LEMD1: variants seen among roughly 807,000 people sequenced by gnomAD.
LEMD1 encodes the protein LEM domain-containing protein 1.
A neutral mutation model predicts 17.4 loss-of-function variants in LEMD1; 18 were observed. The ratio of observed to expected loss-of-function variants is 1.04; its 90% CI spans 0.72 to 1.54. The LOEUF (loss-of-function observed/expected upper bound fraction) is 1.54. Ranked by LOEUF, LEMD1 falls within the 40% of genes most tolerant of loss-of-function variation. LEMD1 has a pLI of 0.00. For synonymous variants in LEMD1, 88 were observed against 77.8 expected (o/e 1.13, Z -0.69); for missense variants, 195 against 210.4 (o/e 0.93, Z 0.45).
intron 1 of LEMD1, among the ~76,000 whole-genome samples, chr1:205,433,991 A>G (rs1160704015): frequency 6.6e-6 from 1 of 152,184 alleles, no homozygotes; most frequent in Non-Finnish European, 1.5e-5. Flanking sequence ...TCCCCCATCC[A>G]AGTGGAGTTA....
At chr1:205,432,061 T>G (rs1268473486) in intron 1 of LEMD1, among the ~76,000 whole-genome samples, 1 of 152,160 alleles carries the variant, frequency 6.6e-6, no homozygotes, top group East Asian at 1.9e-4. Context: ...TTCCCAATCT[T>G]CTGGTCCCAG....
intron 4 of LEMD1, among the ~76,000 whole-genome samples, chr1:205,404,735 C>T (rs949415339): frequency 6.6e-6 from 1 of 151,526 alleles, no homozygotes; most frequent in African/African-American, 2.4e-5. Flanking sequence ...TGAATTTGAT[C>T]CTGTCATTAT....
chr1:205,381,833 G>C lies in LEMD1; in HGVS notation c.371C>G (p.Thr124Ser). The C allele has an allele frequency of 1.2e-6, 2 of 1,614,082 alleles. No individual in the cohort carries two copies. The highest frequency in any genetic ancestry group is 1.7e-6 in the Non-Finnish European group (2 of 1,180,020). The change falls in exon 6 of 6, where the codon ACC (threonine) becomes AGC (serine). Residue 124 changes from threonine to serine, a missense_variant. Transcript: ENST00000367153. The stretch of plus-strand genomic sequence containing the variant: ...GGTGATAGTCCCATATGTGATTCTG[G>C]TGCTTGGTGCTCTTGCAGCCCACCT... ...GRRWAARAPSTRITYGTITKE... is the reference protein window; with the variant it reads ...GRRWAARAPSSRITYGTITKE...
intron 1 of LEMD1, among the ~76,000 whole-genome samples, chr1:205,446,000 G>A (rs775161954): frequency 2.6e-5 from 4 of 152,104 alleles, no homozygotes; most frequent in Non-Finnish European, 5.9e-5. Flanking sequence ...GCCCACTCTC[G>A]CAAGGGAGGC....
intron 4 of LEMD1, 81 bp downstream of exon 4, chr1:205,416,151 C>T: frequency 2.3e-6 from 2 of 871,706 alleles, no homozygotes; most frequent in Non-Finnish European, 3.5e-6. Flanking sequence ...TTGCTATCCC[C>T]TTTCTTAATA....
intron 1 of LEMD1, among the ~76,000 whole-genome samples, chr1:205,440,012 C>T (rs1666266861): frequency 6.6e-6 from 1 of 152,092 alleles, no homozygotes; most frequent in Non-Finnish European, 1.5e-5. Context: ...GGTCCCCCCA[C>T]CCTAAGAGTT....
In LEMD1 at chr1:205,448,702, C is replaced by G. The variant is rs937495049; in HGVS notation, c.-39+1166G>C. Among the ~76,000 whole-genome samples, 1 of 152,154 alleles carries G rather than the reference C, an allele frequency of 6.6e-6. No individual in the cohort carries two copies. Among genetic ancestry groups the G allele is most frequent in the African/African-American group, 2.4e-5 (1 of 41,436 alleles). On this transcript the variant is annotated intron_variant, in intron 1 of 3. Coordinates refer to the LEMD1 transcript ENST00000367154. The surrounding 1 kb of genome is among the most constrained non-coding windows in gnomAD (Gnocchi z 4.7). ...AATTCCCTTAATTAGCTTCCAGCCC[C>G]CTGCCCAGGGTCCTTAACTACCCCT...
In LEMD1 at chr1:205,448,638, T is replaced by A. The variant is rs934096702; in HGVS notation, c.-39+1230A>T. Among the ~76,000 whole-genome samples the A allele has an allele frequency of 1.3e-5, 2 of 152,166 alleles. No homozygotes were observed. Among genetic ancestry groups the A allele is most frequent in the Non-Finnish European group, 2.9e-5 (2 of 68,016 alleles). On this transcript the variant is annotated intron_variant, in intron 1 of 3. Transcript: ENST00000367154. The surrounding 1 kb of genome is among the most constrained non-coding windows in gnomAD (Gnocchi z 4.7). ...ACACAATGGTCCTCACTCCAGGGTA[T>A]GAGGAGGGGTGGCTTCCTGGCCATA... is the stretch of plus-strand genomic sequence containing the variant.
upstream of LEMD1, among the ~76,000 whole-genome samples, chr1:205,426,284 G>T (rs552964726): frequency 6.6e-5 from 10 of 152,152 alleles, no homozygotes; most frequent in Admixed American, 1.3e-4. Flanking sequence ...TACAAAAACC[G>T]CATGCAATAA....
chr1:205,426,880 A>G (rs1162224169), upstream of LEMD1, among the ~76,000 whole-genome samples: 1 of 152,074 alleles, frequency 6.6e-6, no homozygotes, highest in African/African-American at 2.4e-5. Context: ...GCAGGATGGG[A>G]GAAAGAAGGC....
chr1:205,396,922 T>G (rs1664617399), intron 4 of LEMD1, among the ~76,000 whole-genome samples: 1 of 152,252 alleles, frequency 6.6e-6, no homozygotes, highest in African/African-American at 2.4e-5. Context: ...TACGTAATTC[T>G]TTATTCCTTT....
At chr1:205,424,062 A>C (rs1281988702), upstream of LEMD1, among the ~76,000 whole-genome samples, 1 of 152,256 alleles carries the variant, frequency 6.6e-6, no homozygotes, top group Non-Finnish European at 1.5e-5. Flanking sequence ...GTTATTTACT[A>C]ACCCCATTCT....
intron 1 of LEMD1, among the ~76,000 whole-genome samples, chr1:205,438,980 G>C (rs1161438283): frequency 6.6e-6 from 1 of 152,242 alleles, no homozygotes; most frequent in Non-Finnish European, 1.5e-5. Flanking sequence ...TGGTGAGCCT[G>C]TGTGGTCAGG....
intron 4 of LEMD1, among the ~76,000 whole-genome samples, chr1:205,404,737 T>C (rs12073370): frequency 0.32 from 49,036 of 151,734 alleles, 8,456 homozygotes; most frequent in African/African-American, 0.44. Context: ...AATTTGATCC[T>C]GTCATTATGA....
At chr1:205,387,573 T>A (rs1036707656) in intron 4 of LEMD1, 1 of 152,188 alleles carries the variant, frequency 6.6e-6, no homozygotes, top group African/African-American at 2.4e-5. Context: ...AAGCAGTGGC[T>A]CAGTGAGGGT....
At chr1:205,412,679 C>T (rs371184259) in intron 4 of LEMD1, among the ~76,000 whole-genome samples, 41 of 152,300 alleles carry the variant, frequency 2.7e-4, no homozygotes, top group African/African-American at 9.4e-4. Context: ...CATTTCCTTT[C>T]AGATTTAAGG....
intron 4 of LEMD1, among the ~76,000 whole-genome samples, chr1:205,407,167 T>C (rs1370576502): frequency 1.3e-5 from 2 of 151,836 alleles, no homozygotes; most frequent in African/African-American, 2.4e-5. Context: ...CTGTTTTTAC[T>C]AAAAATATAA....
intron 3 of LEMD1, among the ~76,000 whole-genome samples, chr1:205,418,841 A>G (rs1354879438): frequency 6.6e-6 from 1 of 152,188 alleles, no homozygotes; most frequent in Non-Finnish European, 1.5e-5. Flanking sequence ...TAGGCATAAA[A>G]TCATTTAATC....
At chr1:205,402,095 G>A in intron 4 of LEMD1, among the ~76,000 whole-genome samples, 1 of 152,086 alleles carries the variant, frequency 6.6e-6, no homozygotes, top group East Asian at 1.9e-4. Context: ...ATGCTGTTTT[G>A]GTTACTGTAG....
Sources: allele counts gnomAD v4.1 joint callset (sites outside exome capture counted in the v4.1 genomes callset), GRCh38; gene constraint gnomAD v4.1.1; non-coding constraint Gnocchi (gnomAD v3.1); transcripts MANE v1.5; gene names NCBI Gene and HGNC (gene_info 2026-07-23, HGNC 2026-07-21).